Variants in KPNA6 observed in about 807,000 individuals in gnomAD.
KPNA6 encodes the protein karyopherin subunit alpha 6.
KPNA6 carries 9 observed loss-of-function variants against 72.0 expected under a neutral mutation model. That is an observed-to-expected ratio of 0.13 (90% CI 0.08 to 0.22). The LOEUF is 0.22. Ranked by LOEUF, KPNA6 falls within the 10% of genes least tolerant of loss-of-function variation. The probability of loss-of-function intolerance (pLI) is 1.00; values close to 1 mark genes in which losing one functional copy is unlikely to be tolerated. For missense variants in KPNA6, 374 were observed against 655.7 expected, an observed-to-expected ratio of 0.57 and a Z score of 4.69; for synonymous variants, 219 against 242.1, an observed-to-expected ratio of 0.90 and a Z score of 0.89.
At chr1:32,119,221 G>T (rs531749172) in intron 1 of KPNA6, among the ~76,000 whole-genome samples, 2 of 151,022 alleles carry the variant, frequency 1.3e-5, no homozygotes, top group South Asian at 2.1e-4. Flanking sequence ...AGTAGAGGTG[G>T]GGTTTCACCA....
rs534972237 is a variant in KPNA6 at position 32,170,971 on chromosome 1, C to T, written c.*77C>T. 2 of 1,306,622 alleles carry T rather than the reference C, an allele frequency of 1.5e-6. No homozygotes were observed. The highest frequency in any genetic ancestry group is 2.5e-5 in the South Asian group (2 of 81,468). The allele number at this position is 1,306,622 out of a possible 1,614,324, so 80.9% of individuals were successfully genotyped here. ...GAGCAGCCCTCTGGTGGGCGGGAAA[C>T]CAGTGTCCCCACCATCAGCCACCAC... On this transcript the variant is annotated 3_prime_UTR_variant, in exon 14 of 14. Coordinates refer to ENST00000373625, the MANE Select transcript of KPNA6 (RefSeq NM_012316.5).
At chr1:32,143,882 G>C (rs1258494152) in intron 1 of KPNA6, among the ~76,000 whole-genome samples, 1 of 152,054 alleles carries the variant, frequency 6.6e-6, no homozygotes, top group Admixed American at 6.6e-5. Flanking sequence ...TAATTTCAAG[G>C]TTCAATCATG....
chr1:32,134,093 T>A (rs190592003), intron 1 of KPNA6, among the ~76,000 whole-genome samples: 3,217 of 140,432 alleles, frequency 0.023, 107 homozygotes, highest in African/African-American at 0.08. Flanking sequence ...AAATACAAAA[T>A]TTTTTTTTTT....
chr1:32,119,778 A>ACTGT (rs545312093), intron 1 of KPNA6, among the ~76,000 whole-genome samples: 138 of 141,116 alleles, frequency 9.8e-4, no homozygotes, highest in African/African-American at 3.4e-3. Flanking sequence ...GGGGTCTTGC[A>ACTGT]CTGTCGCCCA....
At chr1:32,158,442 A>G in intron 5 of KPNA6, 81 bp downstream of exon 5, 1 of 803,704 alleles carries the variant, frequency 1.2e-6, no homozygotes, top group Admixed American at 2.3e-5. Flanking sequence ...TATGGGATAC[A>G]TGAGATGTTT....
chr1:32,163,587 C>T (rs1192098564), intron 10 of KPNA6, among the ~76,000 whole-genome samples: 2 of 152,194 alleles, frequency 1.3e-5, no homozygotes, highest in African/African-American at 4.8e-5. Flanking sequence ...GACTTACCAC[C>T]TGGGACATTG....
intron 10 of KPNA6, among the ~76,000 whole-genome samples, chr1:32,165,570 G>T (rs983858169): frequency 1.3e-5 from 2 of 151,972 alleles, no homozygotes; most frequent in African/African-American, 4.8e-5. Flanking sequence ...GTGGCACCCT[G>T]CTACTCAGGA....
intron 1 of KPNA6, among the ~76,000 whole-genome samples, chr1:32,153,786 AC>A (rs1426682522): frequency 1.3e-5 from 2 of 152,308 alleles, no homozygotes; most frequent in East Asian, 3.8e-4. Flanking sequence ...ACTATGGAAG[AC>A]AACTTTGGCA....
intron 1 of KPNA6, among the ~76,000 whole-genome samples, chr1:32,127,146 C>T (rs981258169): frequency 6.6e-6 from 1 of 152,072 alleles, no homozygotes; most frequent in Admixed American, 6.6e-5. Context: ...TGAGAAATAC[C>T]CCTGTTTTAG....
intron 1 of KPNA6, among the ~76,000 whole-genome samples, chr1:32,154,154 A>AG (rs1432080604): frequency 6.6e-6 from 1 of 152,112 alleles, no homozygotes; most frequent in Non-Finnish European, 1.5e-5. Flanking sequence ...CTCAAAAAAA[A>AG]AAAACAGCAT....
At chr1:32,157,204 T>C in intron 3 of KPNA6, 142 bp from the exon 4 acceptor site, 1 of 648,998 alleles carries the variant, frequency 1.5e-6, no homozygotes, top group Non-Finnish European at 2.7e-6. Context: ...CACCTATAGA[T>C]TAAACAGACC....
chr1:32,118,969 T>C (rs1040382866), intron 1 of KPNA6, among the ~76,000 whole-genome samples: 9 of 130,648 alleles, frequency 6.9e-5, no homozygotes, highest in Non-Finnish European at 1.3e-4. Context: ...TCAAGCCATA[T>C]ATATGTGTGT....
intron 1 of KPNA6, among the ~76,000 whole-genome samples, chr1:32,136,797 AATTC>A (rs1172895382): frequency 6.6e-6 from 1 of 152,206 alleles, no homozygotes; most frequent in Admixed American, 6.5e-5. Context: ...ATTCCTCCCC[AATTC>A]ATTACATTTG....
At chr1:32,116,441 C>T (rs1641330398) in intron 1 of KPNA6, among the ~76,000 whole-genome samples, 1 of 152,066 alleles carries the variant, frequency 6.6e-6, no homozygotes, top group Admixed American at 6.6e-5. Context: ...GGCGGATCAC[C>T]TGAGGTCAGG....
At position 32,120,412 on chromosome 1, in the gene KPNA6, C is replaced by CT. The variant is rs35256762; in HGVS notation, c.4+12285dup. Among the ~76,000 whole-genome samples the CT allele has an allele frequency of 6.7e-3, 994 of 147,594 alleles. 7 individuals carry two copies. Among genetic ancestry groups the CT allele is most frequent in the African/African-American group, 0.023 (906 of 40,080 alleles). On this transcript the variant is annotated intron_variant, in intron 1 of 13. Transcript: ENST00000373625. ...GGCATGGACCACCATGCCTCCCTAA[C>CT]TTTTTTTGTATTTTTAGTAGAGGCG...
Position 32,170,994 on chromosome 1 carries a change from C to A in KPNA6, c.*100C>A. 1 of 1,022,714 alleles carries A rather than the reference C, an allele frequency of 9.8e-7. No individual in the cohort carries two copies. Among genetic ancestry groups the A allele is most frequent in the South Asian group, 1.4e-5 (1 of 70,860 alleles). 63.4% of individuals were successfully genotyped at this position (1,022,714 alleles called of 1,614,324 possible). A position where few individuals can be genotyped will look rare whatever the true frequency, so the allele number is the denominator to read the frequency against. On this transcript the variant is annotated 3_prime_UTR_variant, in exon 14 of 14. Coordinates refer to ENST00000373625, the MANE Select transcript of KPNA6 (RefSeq NM_012316.5). Reference sequence around the variant, plus strand: ...AACCAGTGTCCCCACCATCAGCCACCACACACCTCTGCTGCCCTGGAGACT... The same window carrying A: ...AACCAGTGTCCCCACCATCAGCCACAACACACCTCTGCTGCCCTGGAGACT...
In KPNA6 at chr1:32,165,115, C is replaced by T. The variant is rs151222074; in HGVS notation, c.991-990C>T. ...AGAGACAGGGTTTTACCATGTTGCC[C>T]AGGCTACTCTTGAACTACTGGGCTT... is the stretch of plus-strand genomic sequence containing the variant. On this transcript the variant is annotated intron_variant, in intron 10 of 13. Coordinates refer to ENST00000373625, the MANE Select transcript of KPNA6 (RefSeq NM_012316.5). Among the ~76,000 whole-genome samples, 3 of 152,158 alleles carry T rather than the reference C, an allele frequency of 2.0e-5. No individual in the cohort carries two copies. In the East Asian group the frequency reaches 5.8e-4, roughly 29 times the overall value.
intron 1 of KPNA6, among the ~76,000 whole-genome samples, chr1:32,112,414 A>G (rs1034916288): frequency 2.0e-4 from 30 of 152,216 alleles, no homozygotes; most frequent in African/African-American, 6.5e-4. Context: ...TTTCCAATGC[A>G]TATAAAAGTT....
At chr1:32,166,704 C>T (rs1290217655) in intron 11 of KPNA6, among the ~76,000 whole-genome samples, 2 of 146,812 alleles carry the variant, frequency 1.4e-5, no homozygotes, top group South Asian at 2.1e-4. Context: ...CTGAGGTGGG[C>T]GGATCACAAG....
Sources: gnomAD v4.1 joint callset for allele counts (sites outside exome capture counted in the v4.1 genomes callset) on GRCh38, gnomAD v4.1.1 for gene constraint, MANE v1.5 for transcripts, NCBI Gene and HGNC (gene_info 2026-07-23, HGNC 2026-07-21) for gene names.